The following PLCB4 variants were observed in gnomAD, a reference collection of about 807,000 sequenced individuals.
PLCB4 encodes the protein 1-phosphatidylinositol 4,5-bisphosphate phosphodiesterase beta-4.
Under a neutral mutation model 178.8 loss-of-function variants are expected in PLCB4, and 77 were observed. The observed-to-expected ratio is 0.43, with a 90% CI of 0.36 to 0.52. PLCB4 has a LOEUF of 0.52. PLCB4 is among the 20% of genes least tolerant of loss of function. The pLI is 0.00. For synonymous variants in PLCB4, 496 were observed against 490.8 expected, an observed-to-expected ratio of 1.01 and a Z score of -0.14; for missense variants, 1,024 against 1,453.4, an observed-to-expected ratio of 0.70 and a Z score of 4.80.
chr20:9,371,398 T>G, intron 10 of PLCB4, 103 bp downstream of exon 10: 2 of 637,728 alleles, frequency 3.1e-6, no homozygotes. Context: ...TAAATTAGAT[T>G]TGGAATTATA....
chr20:9,215,379 C>A (rs1382834650), intron 2 of PLCB4, among the ~76,000 whole-genome samples: 1 of 152,076 alleles, frequency 6.6e-6, no homozygotes, highest in Non-Finnish European at 1.5e-5. Flanking sequence ...GGTTTGAATG[C>A]CAGTTTTGTG....
intron 13 of PLCB4, among the ~76,000 whole-genome samples, chr20:9,382,580 A>G (rs2037236051): frequency 2.0e-5 from 3 of 152,090 alleles, no homozygotes; most frequent in Admixed American, 6.5e-5. Context: ...ATCTGCATCA[A>G]GGTCTTTGCA....
rs1603122042 is a variant in PLCB4, at chr20:9,476,890, TCCA to T, written c.3532+138_3532+140del. On this transcript the variant is annotated intron_variant, in intron 39 of 39. Coordinates refer to ENST00000378473, the MANE Select transcript of PLCB4 (RefSeq NM_001377142.1). ...GGTTTGGATTTAAAAGCTTGACTAT[TCCA>T]TGCTTGGATTTCTGATGTCATATTC... is the stretch of plus-strand genomic sequence containing the variant. 8.1e-6 allele frequency: 5 copies of T among 614,328 alleles called. No individual in the cohort carries two copies. In the East Asian group the frequency reaches 1.1e-4, roughly 14 times the overall value. 38.1% of individuals were successfully genotyped at this position (614,328 alleles called of 1,614,324 possible). A position where few individuals can be genotyped will look rare whatever the true frequency, so the allele number is the denominator to read the frequency against.
intron 36 of PLCB4, among the ~76,000 whole-genome samples, chr20:9,470,277 G>A (rs1441163386): frequency 6.6e-6 from 1 of 151,806 alleles, no homozygotes; most frequent in Admixed American, 6.6e-5. Flanking sequence ...GTTGCAGTGA[G>A]CCGAGATCCT....
At chr20:9,225,273 G>A (rs2093849212) in intron 3 of PLCB4, among the ~76,000 whole-genome samples, 1 of 152,006 alleles carries the variant, frequency 6.6e-6, no homozygotes, top group Non-Finnish European at 1.5e-5. Context: ...GAGAAGAGAA[G>A]CATTAACCAT....
rs536092734 is a variant in PLCB4, at chr20:9,387,772, A to T, written c.1158+216A>T. Among the ~76,000 whole-genome samples, 4 of 152,360 alleles carry T rather than the reference A, an allele frequency of 2.6e-5. No homozygotes were observed. In the East Asian group the frequency reaches 7.7e-4, roughly 29 times the overall value. On this transcript the variant is annotated intron_variant, in intron 15 of 39. Transcript: ENST00000378473. ...TGCTTTCAAATGGTGACTGTGTTAC[A>T]TAACAAGGTTTCTCTGGCAGAGTTT...
rs1354097156 is a variant in PLCB4 at position 9,277,376 on chromosome 20, A to G, written c.-15-30424A>G. 3.9e-5 allele frequency among the ~76,000 whole-genome samples: 6 copies of G among 152,066 alleles called. No homozygotes were observed. The East Asian group carries it at 7.7e-4, about 20-fold the overall frequency. On this transcript the variant is annotated intron_variant, in intron 3 of 39. Coordinates refer to ENST00000378473, the MANE Select transcript of PLCB4 (RefSeq NM_001377142.1). Reference sequence around the variant, plus strand: ...TTTGTGGATGATGATTTGATTTTCTAAAAAGAACAGCTTTGTTTCTTTCCC... The same window carrying G: ...TTTGTGGATGATGATTTGATTTTCTGAAAAGAACAGCTTTGTTTCTTTCCC...
At chr20:9,265,015 CTATT>C (rs1209656860) in intron 3 of PLCB4, among the ~76,000 whole-genome samples, 33 of 152,284 alleles carry the variant, frequency 2.2e-4, no homozygotes, top group African/African-American at 7.5e-4. Flanking sequence ...AAGAATCTGA[CTATT>C]TAAGCAAGTC....
intron 25 of PLCB4, among the ~76,000 whole-genome samples, chr20:9,411,303 G>A (rs2039842339): frequency 6.6e-6 from 1 of 152,188 alleles, no homozygotes; most frequent in African/African-American, 2.4e-5. Context: ...TAAATCACAA[G>A]TGAAGCAGTT....
At chr20:9,106,064 G>A (rs965262079) in intron 2 of PLCB4, among the ~76,000 whole-genome samples, 2 of 151,958 alleles carry the variant, frequency 1.3e-5, no homozygotes, top group African/African-American at 4.8e-5. Flanking sequence ...ATCAACAAAG[G>A]CTGATATTTC....
chr20:9,356,218 G>A (rs564217335), intron 7 of PLCB4, among the ~76,000 whole-genome samples: 8 of 152,124 alleles, frequency 5.3e-5, no homozygotes, highest in South Asian at 2.1e-4. Context: ...AGTAGGTTGC[G>A]AAAATTTTCT....
In PLCB4 at chr20:9,337,960, G is replaced by A. The variant is rs770704130; in HGVS notation, c.166-48G>A. ...GCCAAGCAGTTTGCCTGTATCATAG[G>A]TATGGCATAATTTAAGCTCATTGCT... On this transcript the variant is annotated intron_variant, in intron 5 of 39. Transcript: ENST00000378473. 7 of 1,457,722 alleles carry A rather than the reference G, an allele frequency of 4.8e-6. No individual in the cohort carries two copies. In the South Asian group the frequency reaches 8.1e-5, roughly 17 times the overall value. The allele number at this position is 1,457,722 out of a possible 1,614,324, so 90.3% of individuals were successfully genotyped here.
At chr20:9,431,435 T>C (rs2041387845) in intron 28 of PLCB4, among the ~76,000 whole-genome samples, 1 of 152,100 alleles carries the variant, frequency 6.6e-6, no homozygotes, top group Admixed American at 6.6e-5. Context: ...CTATTCAACC[T>C]ACTCCACCCT....
At chr20:9,434,691 T>G (rs2041654583) in intron 28 of PLCB4, among the ~76,000 whole-genome samples, 1 of 150,196 alleles carries the variant, frequency 6.7e-6, no homozygotes, top group Admixed American at 6.7e-5. Context: ...TGTGCAAATG[T>G]TATTTTCTGT....
At chr20:9,287,176 T>C (rs981994394) in intron 3 of PLCB4, among the ~76,000 whole-genome samples, 1 of 152,088 alleles carries the variant, frequency 6.6e-6, no homozygotes, top group Admixed American at 6.6e-5. Context: ...AGATAAACTT[T>C]ATACCTTTTC....
At chr20:9,439,296 T>C (rs1052954600) in intron 30 of PLCB4, among the ~76,000 whole-genome samples, 2 of 152,186 alleles carry the variant, frequency 1.3e-5, no homozygotes, top group African/African-American at 4.8e-5. Context: ...TGGCAAGTTG[T>C]TTCACATTAT....
At chr20:9,154,370 AGAAT>A (rs2092745198) in intron 2 of PLCB4, among the ~76,000 whole-genome samples, 1 of 152,174 alleles carries the variant, frequency 6.6e-6, no homozygotes, top group African/African-American at 2.4e-5. Flanking sequence ...GATGGAGAGG[AGAAT>A]GACTATTGAG....
intron 4 of PLCB4, among the ~76,000 whole-genome samples, chr20:9,319,504 A>G (rs574608034): frequency 1.3e-5 from 2 of 152,298 alleles, no homozygotes; most frequent in African/African-American, 4.8e-5. Context: ...GAAATCTTAT[A>G]TCGTCTGTCT....
At chr20:9,370,053 T>C (rs2036113366) in intron 9 of PLCB4, among the ~76,000 whole-genome samples, 1 of 152,186 alleles carries the variant, frequency 6.6e-6, no homozygotes, top group South Asian at 2.1e-4. Flanking sequence ...CAGAGCCAAG[T>C]GTGGTGTTCC....
Sources: allele counts gnomAD v4.1 joint callset (sites outside exome capture counted in the v4.1 genomes callset), GRCh38; gene constraint gnomAD v4.1.1; transcripts MANE v1.5; gene names NCBI Gene and HGNC (gene_info 2026-07-23, HGNC 2026-07-21).